The following CCSER2 variants were observed in gnomAD, a reference collection of about 807,000 sequenced individuals.
CCSER2 encodes the protein serine-rich coiled-coil domain-containing protein 2.
CCSER2 carries 46 observed loss-of-function variants against 92.3 expected under a neutral mutation model. The ratio of observed to expected loss-of-function variants is 0.50; its 90% CI spans 0.39 to 0.64. The LOEUF is 0.64. Among genes scored for constraint, CCSER2 ranks in the 30% least tolerant of loss-of-function variants. CCSER2 has a pLI of 0.00. For synonymous variants in CCSER2, 433 were observed against 431.4 expected (o/e 1.00, Z -0.04); for missense variants, 1,244 against 1,238.9 (o/e 1.00, Z -0.06).
intron 3 of CCSER2, among the ~76,000 whole-genome samples, chr10:84,375,543 T>G (rs980013483): frequency 6.6e-5 from 10 of 151,540 alleles, no homozygotes; most frequent in Admixed American, 6.6e-5. Context: ...TTGTTTTTTT[T>G]TTTTTTTTGG....
intron 1 of CCSER2, among the ~76,000 whole-genome samples, chr10:84,340,354 C>T (rs1356227904): frequency 6.6e-6 from 1 of 152,146 alleles, no homozygotes; most frequent in Non-Finnish European, 1.5e-5. Context: ...CTTATAGACA[C>T]TCAATAAATT....
intron 3 of CCSER2, among the ~76,000 whole-genome samples, chr10:84,382,383 ACTT>A (rs1840962369): frequency 6.6e-6 from 1 of 152,196 alleles, no homozygotes; most frequent in South Asian, 2.1e-4. Context: ...GTAGTTTACT[ACTT>A]GTTACACTCT....
intron 5 of CCSER2, among the ~76,000 whole-genome samples, chr10:84,435,582 T>C (rs571330094): frequency 3.6e-5 from 5 of 138,632 alleles, no homozygotes; most frequent in South Asian, 4.4e-4. Context: ...CTTGGAGATA[T>C]AAGCTTTTAA....
chr10:84,508,430 T>C (rs1849180151), intron 9 of CCSER2, among the ~76,000 whole-genome samples: 1 of 152,222 alleles, frequency 6.6e-6, no homozygotes, highest in South Asian at 2.1e-4. Context: ...TTGTAAATTA[T>C]GAAATTCCAT....
At chr10:84,462,072 G>A (rs1846132324) in intron 6 of CCSER2, among the ~76,000 whole-genome samples, 3 of 152,168 alleles carry the variant, frequency 2.0e-5, no homozygotes. Flanking sequence ...CCAGAGGCTA[G>A]TCTGGGACCT....
rs184904261 is a variant in CCSER2 at position 84,411,283 on chromosome 10, G to T, written c.1615-6488G>T. 3.3e-5 allele frequency among the ~76,000 whole-genome samples: 5 copies of T among 152,112 alleles called. No individual in the cohort carries two copies. In the East Asian group the frequency reaches 9.7e-4, roughly 29 times the overall value. ...GCTTAGGATTGTCTTGGCTGTTTGG[G>T]CTCTTTTTTGGTTCCATATGAATTT... On this transcript the variant is annotated intron_variant, in intron 3 of 9. Transcript: ENST00000372088.
rs746966971 is a variant in CCSER2 at position 84,371,065 on chromosome 10, A to C, written c.13A>C (p.Thr5Pro). Residue 5 changes from threonine (T) to proline (P), a missense_variant, in exon 2 of 10, where the codon ACA becomes CCA. Thr to Pro is a conservative substitution (Grantham distance 38, BLOSUM62 -1). Transcript: ENST00000372088. ...CACCTTATAGCTCATGGAAGAAAAA[A>C]CACAAATCAAGACATTTTTGGGTTC... MEEKTQIKTFLGSKL... is the reference protein window; with the variant it reads MEEKPQIKTFLGSKL... The C allele has an allele frequency of 1.9e-6, 3 of 1,584,552 alleles. No homozygotes were observed. The East Asian group carries it at 6.7e-5, about 36-fold the overall frequency.
chr10:84,415,573 A>G (rs1842849510), intron 3 of CCSER2, among the ~76,000 whole-genome samples: 1 of 152,230 alleles, frequency 6.6e-6, no homozygotes, highest in Admixed American at 6.5e-5. Context: ...GGCAGCCTGA[A>G]GGAGGCACCT....
chr10:84,457,985 G>T (rs1254582783), intron 6 of CCSER2, among the ~76,000 whole-genome samples: 2 of 151,918 alleles, frequency 1.3e-5, no homozygotes, highest in Non-Finnish European at 1.5e-5. Context: ...GACCTCAGGT[G>T]ATCCGCCTGC....
chr10:84,342,069 C>G (rs538481431), intron 1 of CCSER2, among the ~76,000 whole-genome samples: 19 of 152,072 alleles, frequency 1.2e-4, no homozygotes, highest in African/African-American at 3.6e-4. Context: ...CCCTTCCCCC[C>G]CCTGGAGGTT....
In CCSER2 at chr10:84,477,638, A is replaced by C. The variant is rs1259639254; in HGVS notation, c.2299A>C (p.Thr767Pro). 6.2e-7 allele frequency: 1 copy of C among 1,608,528 alleles called. No homozygotes were observed. The highest frequency in any genetic ancestry group is 8.5e-7 in the Non-Finnish European group (1 of 1,175,274). Residue 767 changes from threonine to proline, a missense_variant, in exon 9 of 10, where the codon ACC becomes CCC. Physicochemically the swap from Thr to Pro is conservative, Grantham distance 38. Coordinates refer to ENST00000372088, the MANE Select transcript of CCSER2 (RefSeq NM_001284240.2). Reference protein sequence around the residue: ...EEKCTYADKYTQTPWRRIPPQ... With the variant: ...EEKCTYADKYPQTPWRRIPPQ... ...AAAATGCACTTATGCTGATAAATAT[A>C]CCCAAACACCCTGGAGACGAATTCC...
At chr10:84,408,218 TA>T (rs1842468719) in intron 3 of CCSER2, among the ~76,000 whole-genome samples, 2 of 152,172 alleles carry the variant, frequency 1.3e-5, no homozygotes, top group African/African-American at 4.8e-5. Flanking sequence ...TGGAAGATTA[TA>T]CTTGTCCTTC....
At position 84,438,606 on chromosome 10, in the gene CCSER2, G is replaced by A. The variant is rs1045220982; in HGVS notation, c.1963G>A (p.Glu655Lys). The change falls in exon 6 of 10, where the codon GAA becomes AAA. Residue 655 changes from glutamate (E) to lysine (K), a missense_variant. Glu to Lys is a moderately conservative substitution (Grantham distance 56). Coordinates refer to ENST00000372088, the MANE Select transcript of CCSER2 (RefSeq NM_001284240.2). The stretch of plus-strand genomic sequence containing the variant: ...TCAGAAGATGTTTGTTGATGTACCA[G>A]AAAATACAGTGATACTGGATGAGAT... ...QAQKMFVDVP[E>K]NTVILDEMTL... 9 of 1,613,238 alleles carry A rather than the reference G, an allele frequency of 5.6e-6. No individual in the cohort carries two copies. The highest frequency in any genetic ancestry group is 1.3e-5 in the African/African-American group (1 of 74,880).
At chr10:84,478,443 A>G (rs1469483401) in intron 9 of CCSER2, among the ~76,000 whole-genome samples, 1 of 152,230 alleles carries the variant, frequency 6.6e-6, no homozygotes, top group Non-Finnish European at 1.5e-5. Flanking sequence ...AATCCTAGTA[A>G]CACAAAGGAA....
chr10:84,341,820 C>T (rs1334507344), intron 1 of CCSER2, among the ~76,000 whole-genome samples: 1 of 152,084 alleles, frequency 6.6e-6, no homozygotes. Context: ...TATGTTTGCC[C>T]ATTTATTAAA....
rs1034419825 is a variant in CCSER2, at chr10:84,515,842, G to A, written c.*1575G>A. On this transcript the variant is annotated 3_prime_UTR_variant, in exon 10 of 10. Coordinates refer to ENST00000372088, the MANE Select transcript of CCSER2 (RefSeq NM_001284240.2). ...TTATTTTAATACGCTGTAGAAGGTA[G>A]GTGTGGAACCTCCATGCTACCATGT... is the stretch of plus-strand genomic sequence containing the variant. 5.3e-5 allele frequency: 8 copies of A among 152,192 alleles called. No homozygotes were observed. Among genetic ancestry groups the A allele is most frequent in the African/African-American group, 1.9e-4 (8 of 41,428 alleles). The allele number at this position is 152,192 out of a possible 1,614,324, so 9.4% of individuals were successfully genotyped here. A position where few individuals can be genotyped will look rare whatever the true frequency, so the allele number is the denominator to read the frequency against.
rs2133202629 is a variant in CCSER2, at chr10:84,378,694, C to A, written c.1614+4879C>A. Among the ~76,000 whole-genome samples the A allele has an allele frequency of 2.0e-5, 3 of 152,238 alleles. No homozygotes were observed. In the Middle Eastern group the frequency reaches 0.01, roughly 518 times the overall value. ...AGGTGATCCACCCGCCTTGGCCTCC[C>A]AAAATAGTGGGATTACAGGCATGTG... is the stretch of plus-strand genomic sequence containing the variant. On this transcript the variant is annotated intron_variant, in intron 3 of 9. Transcript: ENST00000372088.
chr10:84,484,869 G>GTAT (rs1241609250), intron 9 of CCSER2, among the ~76,000 whole-genome samples: 1 of 151,980 alleles, frequency 6.6e-6, no homozygotes, highest in Non-Finnish European at 1.5e-5. Context: ...TTTCTTTCAT[G>GTAT]TATACAGGTT....
At chr10:84,344,750 T>G (rs1359586229) in intron 1 of CCSER2, among the ~76,000 whole-genome samples, 1 of 151,908 alleles carries the variant, frequency 6.6e-6, no homozygotes. Context: ...CTTGAGGTGG[T>G]TTGGTGTGGT....
Sources: allele counts gnomAD v4.1 joint callset (sites outside exome capture counted in the v4.1 genomes callset), GRCh38; gene constraint gnomAD v4.1.1; transcripts MANE v1.5; gene names NCBI Gene and HGNC (gene_info 2026-07-23, HGNC 2026-07-21).